GULP1: variants seen among roughly 807,000 people sequenced by gnomAD.
The protein encoded by GULP1 is GULP PTB domain containing engulfment adaptor 1.
In GULP1, 19 loss-of-function variants were observed where a neutral mutation model predicts 40.9. The ratio of observed to expected loss-of-function variants is 0.46; its 90% CI spans 0.32 to 0.68. GULP1 has a LOEUF of 0.68. GULP1 is among the 30% of genes least tolerant of loss of function. GULP1 has a pLI of 0.03. For missense variants in GULP1, 312 were observed against 362.2 expected (o/e 0.86, Z 1.12); for synonymous variants, 119 against 117.6 (o/e 1.01, Z -0.08).
chr2:188,410,376 C>T (rs2053701581), intron 2 of GULP1, among the ~76,000 whole-genome samples: 1 of 151,964 alleles, frequency 6.6e-6, no homozygotes, highest in South Asian at 2.1e-4. Flanking sequence ...TTCTGGATAG[C>T]CAAGGAAACA....
intron 9 of GULP1, among the ~76,000 whole-genome samples, chr2:188,583,513 G>C (rs913166140): frequency 6.6e-6 from 1 of 152,094 alleles, no homozygotes; most frequent in Non-Finnish European, 1.5e-5. Flanking sequence ...GTTTTACAAA[G>C]TGATAAATGT....
intron 11 of GULP1, chr2:188,592,212 C>T (rs2153477311): frequency 6.6e-6 from 1 of 151,974 alleles, no homozygotes; most frequent in African/African-American, 2.4e-5. Context: ...GGTTTACTAG[C>T]AGAATGAACT....
intron 1 of GULP1, among the ~76,000 whole-genome samples, chr2:188,356,209 G>A (rs1252598061): frequency 6.6e-6 from 1 of 151,980 alleles, no homozygotes; most frequent in African/African-American, 2.4e-5. Flanking sequence ...AAGAGAAAGA[G>A]AAAAAGGGCA....
chr2:188,437,316 A>G (rs1382903281), intron 2 of GULP1, among the ~76,000 whole-genome samples: 1 of 152,042 alleles, frequency 6.6e-6, no homozygotes, highest in Non-Finnish European at 1.5e-5. Flanking sequence ...TCTAATTGGC[A>G]GTTGTACATA....
intron 1 of GULP1, among the ~76,000 whole-genome samples, chr2:188,305,794 T>C (rs1001682278): frequency 6.6e-6 from 1 of 152,202 alleles, no homozygotes; most frequent in Non-Finnish European, 1.5e-5. Flanking sequence ...CAAAATTTAT[T>C]TTCAAGACAG....
intron 1 of GULP1, among the ~76,000 whole-genome samples, chr2:188,302,565 G>A (rs1362870842): frequency 2.0e-5 from 3 of 151,962 alleles, no homozygotes; most frequent in African/African-American, 7.3e-5. Flanking sequence ...TTTAAAAAAT[G>A]GTAAACTATA....
intron 1 of GULP1, among the ~76,000 whole-genome samples, chr2:188,373,772 G>T (rs1478199191): frequency 6.6e-6 from 1 of 151,874 alleles, no homozygotes; most frequent in Non-Finnish European, 1.5e-5. Context: ...AGCTTCCAGT[G>T]ATTTCTTCAT....
intron 1 of GULP1, among the ~76,000 whole-genome samples, chr2:188,310,463 CAT>C (rs1189463274): frequency 3.1e-4 from 47 of 152,220 alleles, no homozygotes; most frequent in African/African-American, 9.6e-4. Flanking sequence ...GAAATAGAAT[CAT>C]GTGTAAATTG....
chr2:188,569,779 A>G, intron 8 of GULP1: 1 of 372,990 alleles, frequency 2.7e-6, no homozygotes, highest in Non-Finnish European at 4.8e-6. Flanking sequence ...GCACAGTCCA[A>G]CAAGAAAACA....
chr2:188,503,076 C>T (rs991485158), intron 4 of GULP1, among the ~76,000 whole-genome samples: 9 of 151,894 alleles, frequency 5.9e-5, no homozygotes, highest in Non-Finnish European at 1.2e-4. Context: ...AATACTGTTG[C>T]TCTGGAGATT....
At chr2:188,534,166 A>G (rs1688307050) in intron 6 of GULP1, among the ~76,000 whole-genome samples, 1 of 152,184 alleles carries the variant, frequency 6.6e-6, no homozygotes, top group Non-Finnish European at 1.5e-5. Context: ...ATAAATCTTT[A>G]TACCAGAAAG....
At chr2:188,402,086 C>T (rs1463832800) in intron 2 of GULP1, among the ~76,000 whole-genome samples, 2 of 152,054 alleles carry the variant, frequency 1.3e-5, no homozygotes, top group African/African-American at 4.8e-5. Context: ...ATTAATTATT[C>T]CATTAACACG....
intron 4 of GULP1, among the ~76,000 whole-genome samples, chr2:188,498,102 G>T (rs572745876): frequency 6.6e-6 from 1 of 152,006 alleles, no homozygotes; most frequent in Admixed American, 6.6e-5. Context: ...TTCCTAAAGA[G>T]CCAGTAGAAA....
intron 1 of GULP1, among the ~76,000 whole-genome samples, chr2:188,340,237 C>T (rs1219771629): frequency 3.9e-5 from 6 of 152,080 alleles, no homozygotes; most frequent in Admixed American, 6.6e-5. Flanking sequence ...TTTCATATTG[C>T]TATAAAGAAA....
chr2:188,587,254 T>C (rs1357389342), intron 10 of GULP1, among the ~76,000 whole-genome samples: 1 of 152,106 alleles, frequency 6.6e-6, no homozygotes, highest in African/African-American at 2.4e-5. Context: ...TTCCTGCTGC[T>C]TTTAAAAAAG....
chr2:188,433,239 G>C (rs950993122), intron 2 of GULP1, among the ~76,000 whole-genome samples: 1 of 152,024 alleles, frequency 6.6e-6, no homozygotes, highest in Non-Finnish European at 1.5e-5. Context: ...TCCAAAGGGG[G>C]TCATTCTCTT....
At chr2:188,329,475 A>G (rs1282942661) in intron 1 of GULP1, among the ~76,000 whole-genome samples, 1 of 152,082 alleles carries the variant, frequency 6.6e-6, no homozygotes, top group Non-Finnish European at 1.5e-5. Context: ...GCATAGAAAA[A>G]CAGTAGCTTT....
chr2:188,434,804 G>C (rs2057250391), intron 2 of GULP1, among the ~76,000 whole-genome samples: 1 of 151,142 alleles, frequency 6.6e-6, no homozygotes, highest in African/African-American at 2.4e-5. Flanking sequence ...AGCTCATTTT[G>C]AAAAATTAGG....
chr2:188,595,266 T>C lies in GULP1; in HGVS notation c.*1255T>C, dbSNP rs1370336754. The C allele has an allele frequency of 6.6e-6, 1 of 151,732 alleles. No individual in the cohort carries two copies. The highest frequency in any genetic ancestry group is 1.9e-4 in the East Asian group (1 of 5,186). The allele number at this position is 151,732 out of a possible 1,614,324, so 9.4% of individuals were successfully genotyped here. On this transcript the variant is annotated 3_prime_UTR_variant, in exon 12 of 12. Coordinates refer to ENST00000409830, the MANE Select transcript of GULP1 (RefSeq NM_016315.4). ...AAATTTCTAACTTGGTTCATCACAT[T>C]ATAAGATAAATAAATTAAATTAATG...
Sources: allele counts gnomAD v4.1 joint callset (sites outside exome capture counted in the v4.1 genomes callset), GRCh38; gene constraint gnomAD v4.1.1; transcripts MANE v1.5; gene names NCBI Gene and HGNC (gene_info 2026-07-23, HGNC 2026-07-21).